Variants in PALD1 observed in about 807,000 individuals in gnomAD.
PALD1 encodes the protein paladin.
PALD1 carries 57 observed loss-of-function variants against 96.0 expected under a neutral mutation model. The observed-to-expected ratio is 0.59, with a 90% CI of 0.48 to 0.74. The LOEUF is 0.74. Among genes scored for constraint, PALD1 ranks in the 30% least tolerant of loss-of-function variants. PALD1 has a pLI of 0.00. For missense variants in PALD1, 1,063 were observed against 1,143.7 expected, an observed-to-expected ratio of 0.93 and a Z score of 1.02; for synonymous variants, 464 against 473.6, an observed-to-expected ratio of 0.98 and a Z score of 0.26.
At chr10:70,551,753 A>G (rs1031749279) in intron 18 of PALD1, among the ~76,000 whole-genome samples, 1 of 152,190 alleles carries the variant, frequency 6.6e-6, no homozygotes, top group African/African-American at 2.4e-5. Flanking sequence ...AGTTGGGAAC[A>G]GTGGAAGAAT....
chr10:70,501,813 C>CTCTGTGTGTGTG (rs1846300659), intron 1 of PALD1, among the ~76,000 whole-genome samples: 1 of 139,178 alleles, frequency 7.2e-6, no homozygotes, highest in South Asian at 2.3e-4. Flanking sequence ...CATTTTTACT[C>CTCTGTGTGTGTG]TGTGTGTGTG....
chr10:70,496,011 A>AAACAACAACAACAACAAC (rs138584752), intron 1 of PALD1, among the ~76,000 whole-genome samples: 13 of 151,046 alleles, frequency 8.6e-5, no homozygotes, highest in African/African-American at 3.2e-4. Context: ...ACTCTATCTC[A>AAACAACAACAACAACAAC]AACAACAACA....
intron 1 of PALD1, among the ~76,000 whole-genome samples, chr10:70,511,029 G>A (rs1317224844): frequency 6.6e-6 from 1 of 152,144 alleles, no homozygotes; most frequent in East Asian, 1.9e-4. Context: ...CCGCCCAAAC[G>A]TGGAGCTGCC....
At chr10:70,508,838 G>GTGTGTGTGTGTGTGTGTGT (rs1846454310) in intron 1 of PALD1, among the ~76,000 whole-genome samples, 1 of 50,578 alleles carries the variant, frequency 2.0e-5, no homozygotes, top group African/African-American at 1.1e-4. Context: ...TGGGAGCTGC[G>GTGTGTGTGTGTGTGTGTGT]GAACCTGTGT....
At chr10:70,522,425 G>T (rs559081957) in intron 1 of PALD1, among the ~76,000 whole-genome samples, 2 of 152,312 alleles carry the variant, frequency 1.3e-5, no homozygotes, top group East Asian at 3.9e-4. Context: ...TCAGCCCAGC[G>T]TCTGTAGGCA....
chr10:70,479,455 G>T (rs1335261015), intron 1 of PALD1, among the ~76,000 whole-genome samples: 1 of 152,206 alleles, frequency 6.6e-6, no homozygotes, highest in Admixed American at 6.5e-5. Flanking sequence ...CTCATCTCTA[G>T]GGGGCGTGAG....
intron 1 of PALD1, among the ~76,000 whole-genome samples, chr10:70,490,968 TTTTGGAGACAGAGTCTCGC>T (rs969655723): frequency 6.6e-5 from 10 of 152,146 alleles, no homozygotes; most frequent in Non-Finnish European, 1.2e-4. Context: ...CTTCTTTTTT[TTTTGGAGACAGAGTCTCGC>T]TCTGTCGCCC....
the PALD1 span, among the ~76,000 whole-genome samples, chr10:70,464,003 G>C: frequency 6.6e-6 from 1 of 152,162 alleles, no homozygotes; most frequent in Admixed American, 6.6e-5. Context: ...ACAACTTGAT[G>C]AGTTTTCACG....
chr10:70,468,044 T>A, the PALD1 span, among the ~76,000 whole-genome samples: 1 of 152,080 alleles, frequency 6.6e-6, no homozygotes, highest in East Asian at 1.9e-4. Flanking sequence ...ATTTTACAGA[T>A]GAAGAGACTG....
the PALD1 span, among the ~76,000 whole-genome samples, chr10:70,459,692 A>T: frequency 6.6e-6 from 1 of 152,240 alleles, no homozygotes; most frequent in African/African-American, 2.4e-5. Flanking sequence ...TCTGGGACTC[A>T]GCTGTCCTCA....
intron 4 of PALD1, 86 bp from the exon 5 acceptor site, chr10:70,531,204 G>T: frequency 8.8e-7 from 1 of 1,140,072 alleles, no homozygotes; most frequent in Non-Finnish European, 1.3e-6. Flanking sequence ...GGAACAGCTT[G>T]GGCAGAGGCC....
In PALD1 at chr10:70,529,225, CCA is replaced by C; in HGVS notation, c.186-3_186-2del. 3.5e-6 allele frequency: 1 copy of C among 288,510 alleles called. No homozygotes were observed. Among genetic ancestry groups the C allele is most frequent in the South Asian group, 2.6e-5 (1 of 37,790 alleles). The allele number at this position is 288,510 out of a possible 1,614,324, so 17.9% of individuals were successfully genotyped here. On this transcript the variant is annotated splice_acceptor_variant and splice_polypyrimidine_tract_variant and intron_variant, in intron 2 of 19. Coordinates refer to ENST00000263563, the MANE Select transcript of PALD1 (RefSeq NM_014431.3). LOFTEE classifies it high-confidence loss of function. ...TCCATTCTGCCCCCCCCCCCCCCCC[CCA>C]GGTACAACTGCAAGGAGGAGTTCCA...
intron 1 of PALD1, among the ~76,000 whole-genome samples, chr10:70,522,841 G>T (rs949117257): frequency 2.0e-5 from 3 of 152,170 alleles, no homozygotes; most frequent in Non-Finnish European, 4.4e-5. Context: ...GCTGGAAGGG[G>T]CTTTCAGACC....
intron 1 of PALD1, among the ~76,000 whole-genome samples, chr10:70,500,838 C>G (rs1176923680): frequency 6.6e-6 from 1 of 152,072 alleles, no homozygotes; most frequent in East Asian, 1.9e-4. Flanking sequence ...GGGTTAAGTT[C>G]CTCCCATGCC....
the PALD1 span, among the ~76,000 whole-genome samples, chr10:70,468,998 A>G: frequency 1.3e-5 from 2 of 152,114 alleles, no homozygotes; most frequent in Non-Finnish European, 2.9e-5. Context: ...GCACGGTACC[A>G]TCTCTGAATC....
intron 10 of PALD1, among the ~76,000 whole-genome samples, chr10:70,535,176 T>C (rs73270895): frequency 0.043 from 6,517 of 152,310 alleles, 322 homozygotes; most frequent in African/African-American, 0.12. Flanking sequence ...TCCTGGTGTT[T>C]CTTTGGGAAG....
chr10:70,508,938 C>T (rs552763201), intron 1 of PALD1, among the ~76,000 whole-genome samples: 11 of 143,746 alleles, frequency 7.7e-5, no homozygotes, highest in Admixed American at 2.8e-4. Context: ...CAGACCTGGA[C>T]GTTTCATGTG....
chr10:70,488,205 T>C (rs1846043788), intron 1 of PALD1, among the ~76,000 whole-genome samples: 1 of 151,970 alleles, frequency 6.6e-6, no homozygotes, highest in Non-Finnish European at 1.5e-5. Flanking sequence ...CACTGCAGCC[T>C]TAACTTCTGG....
intron 1 of PALD1, among the ~76,000 whole-genome samples, chr10:70,509,830 C>T (rs986150159): frequency 6.6e-6 from 1 of 152,162 alleles, no homozygotes; most frequent in African/African-American, 2.4e-5. Flanking sequence ...TTCTTCTGAG[C>T]GTGCAGCCAG....
Sources: allele counts gnomAD v4.1 joint callset (sites outside exome capture counted in the v4.1 genomes callset), GRCh38; gene constraint gnomAD v4.1.1; transcripts MANE v1.5; gene names NCBI Gene and HGNC (gene_info 2026-07-23, HGNC 2026-07-21).